Variants in DNMT3B observed in about 807,000 individuals in gnomAD.
DNMT3B encodes DNA (cytosine-5)-methyltransferase 3B.
Under a neutral mutation model 120.2 loss-of-function variants are expected in DNMT3B, and 37 were observed. The observed-to-expected ratio is 0.31, with a 90% CI of 0.24 to 0.40. DNMT3B has a LOEUF of 0.40. Ranked by LOEUF, DNMT3B falls within the 10% of genes least tolerant of loss-of-function variation. The pLI is 1.00. For synonymous variants in DNMT3B, 412 were observed against 442.8 expected, an observed-to-expected ratio of 0.93 and a Z score of 0.87; for missense variants, 878 against 1,137.3, an observed-to-expected ratio of 0.77 and a Z score of 3.28.
rs993898376 is a variant in DNMT3B at position 32,808,186 on chromosome 20, C to T, written c.*283C>T. On this transcript the variant is annotated 3_prime_UTR_variant, in exon 23 of 23. Coordinates refer to ENST00000328111, the MANE Select transcript of DNMT3B (RefSeq NM_006892.4). ...CTTTAAAACTTGAAGTAGGTAGCAA[C>T]GTGGCTTTTTTTTTTTCCCTTCCTG... is the stretch of plus-strand genomic sequence containing the variant. 2 of 473,344 alleles carry T rather than the reference C, an allele frequency of 4.2e-6. No individual in the cohort carries two copies. The highest frequency in any genetic ancestry group is 3.7e-5 in the East Asian group (1 of 27,070). 29.3% of individuals were successfully genotyped at this position (473,344 alleles called of 1,614,324 possible).
intron 1 of DNMT3B, among the ~76,000 whole-genome samples, chr20:32,779,240 A>C (rs937957683): frequency 6.6e-6 from 1 of 152,226 alleles, no homozygotes; most frequent in Non-Finnish European, 1.5e-5. Flanking sequence ...AACAAAAAGC[A>C]AAGGCAAGTG....
chr20:32,802,495 A>G (rs370895316), intron 20 of DNMT3B, 25 bp downstream of exon 20: 2 of 1,606,186 alleles, frequency 1.2e-6, no homozygotes, highest in African/African-American at 2.7e-5. Flanking sequence ...TTAGTGGGTC[A>G]GGTAACAGCC....
intron 9 of DNMT3B, 26 bp downstream of exon 9, chr20:32,792,796 C>T: frequency 6.2e-7 from 1 of 1,613,630 alleles, no homozygotes; most frequent in Non-Finnish European, 8.5e-7. Flanking sequence ...CATGGCAGCA[C>T]CCGCTGCCTC....
intron 1 of DNMT3B, among the ~76,000 whole-genome samples, chr20:32,763,489 C>T (rs947309626): frequency 6.6e-6 from 1 of 152,214 alleles, no homozygotes; most frequent in East Asian, 1.9e-4. Flanking sequence ...CCATTCTTAG[C>T]CTAACTCCCG....
At chr20:32,790,731 C>T (rs1285818318) in intron 7 of DNMT3B, among the ~76,000 whole-genome samples, 2 of 152,000 alleles carry the variant, frequency 1.3e-5, no homozygotes, top group Non-Finnish European at 2.9e-5. Context: ...AGTGCAGTGG[C>T]ACTGTCTTGG....
chr20:32,798,151 T>TAGGG (rs1305978535), intron 14 of DNMT3B, among the ~76,000 whole-genome samples: 2 of 151,570 alleles, frequency 1.3e-5, no homozygotes, highest in Non-Finnish European at 2.9e-5. Context: ...AGGGGATGAG[T>TAGGG]AGGGTGTCAG....
intron 1 of DNMT3B, among the ~76,000 whole-genome samples, chr20:32,765,781 A>G (rs1473579022): frequency 9.2e-6 from 1 of 109,188 alleles, no homozygotes; most frequent in Non-Finnish European, 1.7e-5. Context: ...TTTGAGACGG[A>G]GTCTGGCTCT....
intron 3 of DNMT3B, among the ~76,000 whole-genome samples, chr20:32,782,987 AT>A (rs1282440394): frequency 6.6e-6 from 1 of 152,084 alleles, no homozygotes; most frequent in Non-Finnish European, 1.5e-5. Context: ...CAATGGCATG[AT>A]CTCTGCTCAC....
chr20:32,793,283 G>T (rs1396585378), intron 9 of DNMT3B, among the ~76,000 whole-genome samples: 1 of 152,066 alleles, frequency 6.6e-6, no homozygotes, highest in East Asian at 1.9e-4. Context: ...CACTTGAGGC[G>T]ATCACCTGGA....
At chr20:32,795,759 C>A in intron 12 of DNMT3B, 65 bp downstream of exon 12, 1 of 1,596,310 alleles carries the variant, frequency 6.3e-7, no homozygotes, top group South Asian at 1.1e-5. Flanking sequence ...CCTGCCTTGT[C>A]CTGGCTCATC....
intron 4 of DNMT3B, among the ~76,000 whole-genome samples, chr20:32,786,021 C>T (rs371963378): frequency 3.3e-5 from 5 of 152,080 alleles, no homozygotes; most frequent in East Asian, 3.8e-4. Flanking sequence ...GTAGCTGTGA[C>T]TACAGGCACC....
rs1445304790 is a variant in DNMT3B at position 32,793,537 on chromosome 20, G to C, written c.1068G>C (p.Val356=). 2 of 1,614,088 alleles carry C rather than the reference G, an allele frequency of 1.2e-6. No homozygotes were observed. The highest frequency in any genetic ancestry group is 1.7e-6 in the Non-Finnish European group (2 of 1,180,004). The change falls in exon 10 of 23, where the codon GTG becomes GTC. Residue 356 remains valine, a splice_region_variant and synonymous_variant. Coordinates refer to ENST00000328111, the MANE Select transcript of DNMT3B (RefSeq NM_006892.4). Reference sequence around the variant, plus strand: ...TTTGTTTTGTTTTCCCCTCAAAAGTGGTTAATAAGTCGAAGGTGCGTCGTG... The same window carrying C: ...TTTGTTTTGTTTTCCCCTCAAAAGTCGTTAATAAGTCGAAGGTGCGTCGTG... The part of the protein sequence containing the change: ...EGLKPNNTQP[V]VNKSKVRRAG...
At chr20:32,785,418 G>A (rs1026574940) in intron 4 of DNMT3B, among the ~76,000 whole-genome samples, 78 of 152,276 alleles carry the variant, frequency 5.1e-4, no homozygotes, top group Middle Eastern at 3.4e-3. Context: ...GTGCCTAGGG[G>A]TGATAGAGTT....
chr20:32,800,479 T>C (rs1981194729), intron 17 of DNMT3B, among the ~76,000 whole-genome samples, 181 bp downstream of exon 17: 1 of 152,156 alleles, frequency 6.6e-6, no homozygotes. Flanking sequence ...AGCAAGATTC[T>C]ATTTTTTTCT....
rs145632647 is a variant in DNMT3B, at chr20:32,791,673, G to C, written c.886G>C (p.Val296Leu). ...HFNLATFNKL[V>L]SYRKAMYHAL... ...TAATTTGGCCACCTTCAATAAGCTC[G>C]TCTCCTATCGAAAAGCCATGTACCA... is the stretch of plus-strand genomic sequence containing the variant. The change falls in exon 8 of 23, where the codon GTC becomes CTC. Residue 296 changes from valine (V) to leucine (L), a missense_variant. Coordinates refer to ENST00000328111, the MANE Select transcript of DNMT3B (RefSeq NM_006892.4). 2 of 1,614,096 alleles carry C rather than the reference G, an allele frequency of 1.2e-6. No homozygotes were observed. The highest frequency in any genetic ancestry group is 2.2e-5 in the South Asian group (2 of 91,088).
At chr20:32,796,156 C>G (rs529947408) in intron 12 of DNMT3B, among the ~76,000 whole-genome samples, 8 of 152,262 alleles carry the variant, frequency 5.3e-5, no homozygotes, top group African/African-American at 1.4e-4. Context: ...TCCTTAACCC[C>G]TAGTTACTCA....
chr20:32,774,677 C>T (rs1987974570), intron 1 of DNMT3B, among the ~76,000 whole-genome samples: 1 of 151,828 alleles, frequency 6.6e-6, no homozygotes, highest in African/African-American at 2.4e-5. Context: ...ATCCTCCCGT[C>T]TTTTTGGGGT....
At chr20:32,781,558 A>G in intron 3 of DNMT3B, 144 bp downstream of exon 3, 1 of 865,950 alleles carries the variant, frequency 1.2e-6, no homozygotes, top group Non-Finnish European at 1.9e-6. Flanking sequence ...TATATTTGGC[A>G]TTATTTTTTC....
In DNMT3B at chr20:32,806,264, A is replaced by C; in HGVS notation, c.2357A>C (p.Asn786Thr). ...TCGAACTCGATCAAACAGGGGAAAA[A>C]CCAACTTTTCCCTGTTGTCATGAAT... Reference protein sequence around the residue: ...TKSNSIKQGKNQLFPVVMNGK... With the variant: ...TKSNSIKQGKTQLFPVVMNGK... The change falls in exon 22 of 23, where the codon AAC (asparagine) becomes ACC (threonine). Residue 786 changes from asparagine (N) to threonine (T), a missense_variant. Physicochemically the swap from Asn to Thr is moderately conservative, Grantham distance 65. This residue lies in a region of DNMT3B where 334 missense variants were observed against 518.8 expected (regional missense o/e 0.64). Transcript: ENST00000328111. The C allele has an allele frequency of 6.2e-7, 1 of 1,614,220 alleles. No homozygotes were observed. The highest frequency in any genetic ancestry group is 8.5e-7 in the Non-Finnish European group (1 of 1,180,056).
Sources: gnomAD v4.1 joint callset for allele counts (sites outside exome capture counted in the v4.1 genomes callset) on GRCh38, gnomAD v4.1.1 for gene constraint, gnomAD v4.1.1 regional missense constraint, MANE v1.5 for transcripts, NCBI Gene and HGNC (gene_info 2026-07-23, HGNC 2026-07-21) for gene names.